THSD7B: variants seen among roughly 807,000 people sequenced by gnomAD.
THSD7B encodes the protein thrombospondin type-1 domain-containing protein 7B.
In THSD7B, 138 loss-of-function variants were observed where a neutral mutation model predicts 213.6. The ratio of observed to expected loss-of-function variants is 0.65; its 90% CI spans 0.56 to 0.74. THSD7B has a LOEUF of 0.74. THSD7B is among the 30% of genes least tolerant of loss of function. The probability of loss-of-function intolerance (pLI) is 0.00; values close to 1 mark genes in which losing one functional copy is unlikely to be tolerated. For missense variants in THSD7B, 1,931 were observed against 1,991.5 expected (o/e 0.97, Z 0.58); for synonymous variants, 742 against 687.0 (o/e 1.08, Z -1.25).
intron 3 of THSD7B, among the ~76,000 whole-genome samples, chr2:137,079,986 C>T (rs900913021): frequency 2.0e-5 from 3 of 151,772 alleles, no homozygotes; most frequent in Admixed American, 6.6e-5. Context: ...ATTACAGGCA[C>T]GCACCACCAC....
At chr2:137,487,704 A>AAAATCTAG (rs1688493975) in intron 15 of THSD7B, among the ~76,000 whole-genome samples, 1 of 150,746 alleles carries the variant, frequency 6.6e-6, no homozygotes, top group Non-Finnish European at 1.5e-5. Context: ...AATAAAATAG[A>AAAATCTAG]AAATCTAGAA....
rs7574798 is a variant in THSD7B, at chr2:137,111,494, G to A, written c.1200-3630G>A. Reference sequence around the variant, plus strand: ...TGCTTTGAACCCTGCTTTCACTCATGTGACCTTGGAAGAGTTACTTACTCT... The same window carrying A: ...TGCTTTGAACCCTGCTTTCACTCATATGACCTTGGAAGAGTTACTTACTCT... On this transcript the variant is annotated intron_variant, in intron 4 of 27. Transcript: ENST00000409968. Among the ~76,000 whole-genome samples, 642 of 152,298 alleles carry A rather than the reference G, an allele frequency of 4.2e-3. 3 individuals carry two copies. Among genetic ancestry groups the A allele is most frequent in the African/African-American group, 0.015 (616 of 41,554 alleles).
chr2:137,099,193 C>T (rs1184990971), intron 4 of THSD7B, among the ~76,000 whole-genome samples: 3 of 152,086 alleles, frequency 2.0e-5, no homozygotes, highest in Admixed American at 1.3e-4. Context: ...TCCCCTGTCA[C>T]TGGGCATCAT....
chr2:137,471,174 GC>G (rs1308128906), intron 15 of THSD7B, among the ~76,000 whole-genome samples: 2 of 151,868 alleles, frequency 1.3e-5, no homozygotes, highest in East Asian at 3.9e-4. Context: ...ACCAGCCTCG[GC>G]CCCCCAAAGT....
At chr2:136,848,620 G>A (rs1683047700) in intron 1 of THSD7B, among the ~76,000 whole-genome samples, 1 of 152,138 alleles carries the variant, frequency 6.6e-6, no homozygotes, top group Non-Finnish European at 1.5e-5. Flanking sequence ...GAGGGGCAAT[G>A]AAGACTTAAA....
intron 21 of THSD7B, among the ~76,000 whole-genome samples, chr2:137,646,225 C>T (rs559097848): frequency 5.9e-5 from 9 of 152,200 alleles, no homozygotes; most frequent in East Asian, 1.9e-4. Context: ...GATAAGGGCA[C>T]GAGGGCTCCG....
chr2:137,282,218 G>A (rs1054768287), intron 12 of THSD7B, among the ~76,000 whole-genome samples: 6 of 151,974 alleles, frequency 3.9e-5, no homozygotes, highest in African/African-American at 1.5e-4. Flanking sequence ...AGAAGTGTCT[G>A]TTCATGTCCT....
At chr2:137,149,774 G>T (rs140505508) in intron 5 of THSD7B, among the ~76,000 whole-genome samples, 2 of 152,192 alleles carry the variant, frequency 1.3e-5, no homozygotes, top group South Asian at 4.1e-4. Flanking sequence ...TTTACCCAAT[G>T]CCTGTATCCC....
intron 5 of THSD7B, among the ~76,000 whole-genome samples, chr2:137,128,297 C>T (rs536293185): frequency 6.6e-6 from 1 of 152,148 alleles, no homozygotes; most frequent in Admixed American, 6.5e-5. Flanking sequence ...TCTATTTCTA[C>T]ATTAATCTGT....
At chr2:137,522,164 A>G (rs1018810738) in intron 15 of THSD7B, among the ~76,000 whole-genome samples, 3 of 152,176 alleles carry the variant, frequency 2.0e-5, no homozygotes, top group Admixed American at 2.0e-4. Context: ...AGGACTCCCC[A>G]TGAGTGCTCT....
At chr2:137,120,336 G>T (rs1688524455) in intron 5 of THSD7B, among the ~76,000 whole-genome samples, 1 of 151,962 alleles carries the variant, frequency 6.6e-6, no homozygotes. Flanking sequence ...GTGATGAAAA[G>T]GTGTGGGGAG....
chr2:137,562,659 T>C (rs1168710943), intron 15 of THSD7B, among the ~76,000 whole-genome samples: 1 of 149,698 alleles, frequency 6.7e-6, no homozygotes, highest in African/African-American at 2.4e-5. Context: ...TCTGAAAACA[T>C]CCTACATATA....
At chr2:137,174,527 A>G (rs965591421) in intron 7 of THSD7B, among the ~76,000 whole-genome samples, 1 of 152,190 alleles carries the variant, frequency 6.6e-6, no homozygotes, top group Admixed American at 6.6e-5. Flanking sequence ...CTTAGATTTG[A>G]GTAGTCATCT....
chr2:137,078,071 A>G (rs988925286), intron 3 of THSD7B, among the ~76,000 whole-genome samples: 1 of 152,204 alleles, frequency 6.6e-6, no homozygotes, highest in Admixed American at 6.5e-5. Context: ...AGCACCATTT[A>G]TTAAATAGGG....
chr2:137,663,538 T>A lies in THSD7B; in HGVS notation c.4614T>A (p.Asp1538Glu). Residue 1538 changes from aspartate to glutamate, a missense_variant, in exon 26 of 28, where the codon GAT (aspartate) becomes GAA (glutamate). Physicochemically the swap from Asp to Glu is conservative, Grantham distance 45 (BLOSUM62 2). Coordinates refer to ENST00000409968, the MANE Select transcript of THSD7B (RefSeq NM_001316349.2). ...GACCTGTGAATTCAAAAATACATGA[T>A]ATTTTTAAAGGATGGTCTCTTCAAC... is the stretch of plus-strand genomic sequence containing the variant. ...KNRPVNSKIHDIFKGWSLQPL... is the reference protein window; with the variant it reads ...KNRPVNSKIHEIFKGWSLQPL... 13 of 1,609,340 alleles carry A rather than the reference T, an allele frequency of 8.1e-6. No individual in the cohort carries two copies. The highest frequency in any genetic ancestry group is 1.1e-5 in the Non-Finnish European group (13 of 1,177,572).
intron 1 of THSD7B, among the ~76,000 whole-genome samples, chr2:136,813,005 A>G (rs1245028518): frequency 6.6e-6 from 1 of 152,212 alleles, no homozygotes; most frequent in East Asian, 1.9e-4. Flanking sequence ...TTGGCCGGCA[A>G]TTAAATGAAA....
At position 137,500,945 on chromosome 2, in the gene THSD7B, T is replaced by G. The variant is rs187360917; in HGVS notation, c.3138+49922T>G. On this transcript the variant is annotated intron_variant, in intron 15 of 27. Coordinates refer to ENST00000409968, the MANE Select transcript of THSD7B (RefSeq NM_001316349.2). ...AGTACCTTTTATGTTTCATGGTTTT[T>G]TTTTATATTAGAAAGGTTTAAATCA... Among the ~76,000 whole-genome samples the G allele has an allele frequency of 6.5e-4, 99 of 152,314 alleles. 1 individual carries two copies. The East Asian group carries it at 0.014, about 21-fold the overall frequency.
At position 137,481,420 on chromosome 2, in the gene THSD7B, T is replaced by C. The variant is rs369136371; in HGVS notation, c.3138+30397T>C. ...AGATAAGGTTATTAGTTAGACACTT[T>C]CCAGATTGAATTATTATGGATAACA... is the stretch of plus-strand genomic sequence containing the variant. On this transcript the variant is annotated intron_variant, in intron 15 of 27. Coordinates refer to ENST00000409968, the MANE Select transcript of THSD7B (RefSeq NM_001316349.2). 1.6e-4 allele frequency among the ~76,000 whole-genome samples: 24 copies of C among 152,338 alleles called. 2 individuals carry two copies. Among genetic ancestry groups the C allele is most frequent in the East Asian group, 1.3e-3 (7 of 5,188 alleles).
At chr2:136,934,077 C>T (rs1684679184) in intron 2 of THSD7B, among the ~76,000 whole-genome samples, 1 of 152,102 alleles carries the variant, frequency 6.6e-6, no homozygotes. Flanking sequence ...AAATTAGGGG[C>T]TATTAAATCC....
Sources: gnomAD v4.1 joint callset for allele counts (sites outside exome capture counted in the v4.1 genomes callset) on GRCh38, gnomAD v4.1.1 for gene constraint, MANE v1.5 for transcripts, NCBI Gene and HGNC (gene_info 2026-07-23, HGNC 2026-07-21) for gene names.